Variants in NAP1L4 observed in about 807,000 individuals in gnomAD.
The protein encoded by NAP1L4 is nucleosome assembly protein 1-like 4.
In NAP1L4, 15 loss-of-function variants were observed where a neutral mutation model predicts 58.2. The ratio of observed to expected loss-of-function variants is 0.26; its 90% confidence interval spans 0.17 to 0.40. NAP1L4 has a LOEUF of 0.40. Ranked by LOEUF, NAP1L4 falls within the 10% of genes least tolerant of loss-of-function variation. The pLI is 1.00. For synonymous variants in NAP1L4, 171 were observed against 155.6 expected, an observed-to-expected ratio of 1.10 and a Z score of -0.74; for missense variants, 384 against 451.1, an observed-to-expected ratio of 0.85 and a Z score of 1.35.
Position 2,972,151 on chromosome 11 carries a change from T to C in NAP1L4, c.266A>G (p.His89Arg). 4 of 1,606,482 alleles carry C rather than the reference T, an allele frequency of 2.5e-6. No individual in the cohort carries two copies. Among genetic ancestry groups the C allele is most frequent in the Non-Finnish European group, 3.4e-6 (4 of 1,177,940 alleles). Residue 89 changes from histidine (H) to arginine (R), a missense_variant, in exon 5 of 16, where the codon CAT (histidine) becomes CGT (arginine). By Grantham distance (29) the His-to-Arg change is conservative. Transcript: ENST00000380542. ...CGCTGCATACTTTCTTTCCAAGTCA[T>C]GTACCTCTTCATAGAACTTGGCTTC... Reference protein sequence around the residue: ...HIEAKFYEEVHDLERKYAALY... With the variant: ...HIEAKFYEEVRDLERKYAALY...
intron 1 of NAP1L4, chr11:2,991,169 T>A (rs183580405): frequency 7.2e-4 from 327 of 456,360 alleles, no homozygotes; most frequent in African/African-American, 5.8e-3. Context: ...ACACACACGT[T>A]AGGGTCTAAA....
intron 10 of NAP1L4, among the ~76,000 whole-genome samples, chr11:2,956,845 G>A (rs756948296): frequency 1.9e-4 from 29 of 152,274 alleles, no homozygotes; most frequent in Non-Finnish European, 3.4e-4. Context: ...CACACCACAG[G>A]AGTCCATTTT....
chr11:2,967,476 T>A (rs923698830), intron 7 of NAP1L4, among the ~76,000 whole-genome samples: 14 of 152,016 alleles, frequency 9.2e-5, no homozygotes, highest in African/African-American at 2.7e-4. Context: ...CCAGGCGTGG[T>A]GGCGGATGCC....
At position 2,976,047 on chromosome 11, in the gene NAP1L4, G is replaced by A; in HGVS notation, c.150C>T (p.His50=). The A allele has an allele frequency of 6.2e-7, 1 of 1,614,038 alleles. No homozygotes were observed. Among genetic ancestry groups the A allele is most frequent in the Non-Finnish European group, 8.5e-7 (1 of 1,179,932 alleles). The change falls in exon 4 of 16, where the codon CAC becomes CAT. Residue 50 remains histidine, a synonymous_variant. Coordinates refer to ENST00000380542, the MANE Select transcript of NAP1L4 (RefSeq NM_005969.4). ...ACGTTTCGATGTAGCTGGAAGGGGT[G>A]TGAGGGACATTGTCAAGTCGCTCCT... ...ALQERLDNVP[H]TPSSYIETLP... is the part of the protein sequence containing the mutation.
chr11:2,985,110 T>C (rs916941317), intron 1 of NAP1L4, among the ~76,000 whole-genome samples: 1 of 152,216 alleles, frequency 6.6e-6, no homozygotes, highest in African/African-American at 2.4e-5. Flanking sequence ...TGAAACAAAG[T>C]TTTAACTGTG....
intron 4 of NAP1L4, among the ~76,000 whole-genome samples, chr11:2,975,016 T>C (rs538034092): frequency 6.6e-6 from 1 of 151,294 alleles, no homozygotes; most frequent in East Asian, 2.0e-4. Flanking sequence ...AAAATAAAAA[T>C]AAAAAATAAA....
At chr11:2,953,345 C>T (rs1846344801) in intron 12 of NAP1L4, among the ~76,000 whole-genome samples, 1 of 152,230 alleles carries the variant, frequency 6.6e-6, no homozygotes, top group South Asian at 2.1e-4. Context: ...ATAAGCTTTC[C>T]AATGTGTAGC....
At chr11:2,975,114 C>T (rs910835839) in intron 4 of NAP1L4, among the ~76,000 whole-genome samples, 4 of 150,670 alleles carry the variant, frequency 2.7e-5, no homozygotes, top group East Asian at 2.0e-4. Flanking sequence ...AAGCCCTGAC[C>T]CAATTATAGA....
intron 1 of NAP1L4, among the ~76,000 whole-genome samples, chr11:2,981,418 C>CAAAAAAAAAAAAAAA (rs35499396): frequency 4.8e-5 from 2 of 41,282 alleles, no homozygotes; most frequent in Non-Finnish European, 1.0e-4. Context: ...TACCCTGTCT[C>CAAAAAAAAAAAAAAA]AAAAAAAAAA....
rs1352571029 is a variant in NAP1L4 at position 2,969,949 on chromosome 11, CA to C, written c.403-16del. ...TTCATGTCTCCCTAAAAAAAAGATG[CA>C]ACATAGGTAACGAAAATAAAAGTTT... is the stretch of plus-strand genomic sequence containing the variant. On this transcript the variant is annotated splice_polypyrimidine_tract_variant and intron_variant, in intron 6 of 15. Transcript: ENST00000380542. The C allele has an allele frequency of 1.4e-5, 23 of 1,601,544 alleles. No homozygotes were observed. The highest frequency in any genetic ancestry group is 1.9e-5 in the Non-Finnish European group (22 of 1,174,622).
intron 1 of NAP1L4, among the ~76,000 whole-genome samples, chr11:2,980,166 G>T (rs541942633): frequency 4.7e-4 from 72 of 152,218 alleles, no homozygotes; most frequent in Admixed American, 1.8e-3. Flanking sequence ...TTAAATAGAA[G>T]AACTTGATAT....
chr11:2,952,122 G>A (rs1846259801), intron 12 of NAP1L4: 1 of 426,606 alleles, frequency 2.3e-6, no homozygotes, highest in Non-Finnish European at 4.2e-6. Flanking sequence ...CGAGGAGCAG[G>A]CACACAGGAA....
In NAP1L4 at chr11:2,958,562, C is replaced by T. The variant is rs1176097628; in HGVS notation, c.747-18G>A. On this transcript the variant is annotated intron_variant, in intron 9 of 15. Coordinates refer to ENST00000380542, the MANE Select transcript of NAP1L4 (RefSeq NM_005969.4). ...TAGTACACCTACCAGGACAAGACAGCTGTCAGGAACACACAATCCATGAGA... is the reference window on the plus strand; with the variant it reads ...TAGTACACCTACCAGGACAAGACAGTTGTCAGGAACACACAATCCATGAGA... The T allele has an allele frequency of 1.9e-6, 3 of 1,608,046 alleles. No individual in the cohort carries two copies. The African/African-American group carries it at 4.0e-5, about 22-fold the overall frequency.
chr11:2,951,692 A>T lies in NAP1L4; in HGVS notation c.1065+88T>A. The T allele has an allele frequency of 7.3e-7, 1 of 1,377,812 alleles. No individual in the cohort carries two copies. The highest frequency in any genetic ancestry group is 1.0e-6 in the Non-Finnish European group (1 of 971,344). The allele number at this position is 1,377,812 out of a possible 1,614,324, so 85.3% of individuals were successfully genotyped here. A position where few individuals can be genotyped will look rare whatever the true frequency, so the allele number is the denominator to read the frequency against. ...GCGTCACAAAAAATGGGTTTAACAC[A>T]GCCCTGTGAGTCCATAACCTTCAAG... On this transcript the variant is annotated intron_variant, in intron 13 of 15. Transcript: ENST00000380542. The surrounding 1 kb of genome is among the most constrained non-coding windows in gnomAD (Gnocchi z 4.0).
At chr11:2,947,332 T>A (rs1312084213) in intron 15 of NAP1L4, among the ~76,000 whole-genome samples, 1 of 152,238 alleles carries the variant, frequency 6.6e-6, no homozygotes, top group Non-Finnish European at 1.5e-5. Flanking sequence ...GGGTGAAGAC[T>A]GCTAGAGGGA....
At position 2,946,911 on chromosome 11, in the gene NAP1L4, C is replaced by T. The variant is rs947060721; in HGVS notation, c.*33-1265G>A. Reference sequence around the variant, plus strand: ...GGAGTGTGGGGGATGCAGGGCGCCCCGAGCAGGAGCAGTGAGGGGAGGAGT... The same window carrying T: ...GGAGTGTGGGGGATGCAGGGCGCCCTGAGCAGGAGCAGTGAGGGGAGGAGT... On this transcript the variant is annotated intron_variant, in intron 15 of 15. Coordinates refer to ENST00000380542, the MANE Select transcript of NAP1L4 (RefSeq NM_005969.4). The surrounding 1 kb of genome is among the most constrained non-coding windows in gnomAD (Gnocchi z 4.8). Among the ~76,000 whole-genome samples, 2 of 152,114 alleles carry T rather than the reference C, an allele frequency of 1.3e-5. No individual in the cohort carries two copies. Among genetic ancestry groups the T allele is most frequent in the Non-Finnish European group, 2.9e-5 (2 of 68,014 alleles).
chr11:2,976,058 T>C lies in NAP1L4; in HGVS notation c.139A>G (p.Asn47Asp), dbSNP rs769904928. The C allele has an allele frequency of 6.2e-7, 1 of 1,614,088 alleles. No homozygotes were observed. Among genetic ancestry groups the C allele is most frequent in the Non-Finnish European group, 8.5e-7 (1 of 1,179,988 alleles). The stretch of plus-strand genomic sequence containing the variant: ...TAGCTGGAAGGGGTGTGAGGGACAT[T>C]GTCAAGTCGCTCCTGTAAAGCTGCC... ...VLAALQERLD[N>D]VPHTPSSYIE... The change falls in exon 4 of 16, where the codon AAT (asparagine) becomes GAT (aspartate). Residue 47 changes from asparagine to aspartate, a missense_variant. Around this residue, in one of 3 missense-constraint regions of NAP1L4, gnomAD observed 84 missense variants for 73.7 expected, o/e 1.14. Coordinates refer to ENST00000380542, the MANE Select transcript of NAP1L4 (RefSeq NM_005969.4).
At chr11:2,963,295 G>A (rs1021263642) in intron 8 of NAP1L4, among the ~76,000 whole-genome samples, 8 of 152,142 alleles carry the variant, frequency 5.3e-5, no homozygotes, top group Non-Finnish European at 1.5e-5. Context: ...GGAAGAGAAT[G>A]CACACCAACG....
Position 2,964,765 on chromosome 11 carries a change from GA to G in NAP1L4, c.535-15del, listed in dbSNP as rs375626264. 2.8e-3 allele frequency: 4,455 copies of G among 1,597,716 alleles called. 92 individuals are homozygous for G. In the African/African-American group the frequency reaches 0.05, roughly 18 times the overall value. Reference sequence around the variant, plus strand: ...TTCATCATATTCCTAATCAAAAAGAGAAAAAAAATTCCAACAGGCTTTTAAA... The same window carrying G: ...TTCATCATATTCCTAATCAAAAAGAGAAAAAAATTCCAACAGGCTTTTAAA... On this transcript the variant is annotated splice_polypyrimidine_tract_variant and intron_variant, in intron 7 of 15. Transcript: ENST00000380542.
Sources: allele counts gnomAD v4.1 joint callset (sites outside exome capture counted in the v4.1 genomes callset), GRCh38; gene constraint gnomAD v4.1.1; regional missense constraint gnomAD v4.1.1; non-coding constraint Gnocchi (gnomAD v3.1); transcripts MANE v1.5; gene names NCBI Gene and HGNC (gene_info 2026-07-23, HGNC 2026-07-21).